Variants in MTMR3 observed in about 807,000 individuals in gnomAD.
MTMR3 encodes the protein phosphatidylinositol-3,5-bisphosphate 3-phosphatase MTMR3.
Under a neutral mutation model 132.4 loss-of-function variants are expected in MTMR3, and 32 were observed. The ratio of observed to expected loss-of-function variants is 0.24; its 90% CI spans 0.18 to 0.32. MTMR3 has a LOEUF of 0.32. MTMR3 is among the 10% of genes least tolerant of loss of function. MTMR3 has a pLI of 1.00. For synonymous variants in MTMR3, 556 were observed against 550.3 expected (o/e 1.01, Z -0.14); for missense variants, 1,216 against 1,489.6 (o/e 0.82, Z 3.02).
chr22:30,022,210 C>T, intron 18 of MTMR3, 71 bp downstream of exon 18: 3 of 1,239,872 alleles, frequency 2.4e-6, no homozygotes, highest in South Asian at 1.3e-5. Context: ...CCCCCATTCC[C>T]ACCCCATACC....
chr22:29,933,607 A>G (rs919233177), intron 1 of MTMR3, among the ~76,000 whole-genome samples: 1 of 152,128 alleles, frequency 6.6e-6, no homozygotes, highest in Non-Finnish European at 1.5e-5. Context: ...GTCACCAGGT[A>G]TGCTCTCTTC....
chr22:29,996,501 T>C (rs1250224633), intron 7 of MTMR3: 1 of 152,144 alleles, frequency 6.6e-6, no homozygotes, highest in Admixed American at 6.5e-5. Flanking sequence ...TATCCTGAGA[T>C]AGAGGTGTTA....
At chr22:29,985,290 A>G (rs2066834386) in intron 5 of MTMR3, 1 of 152,216 alleles carries the variant, frequency 6.6e-6, no homozygotes, top group African/African-American at 2.4e-5. Flanking sequence ...ACCTGAGGTC[A>G]GGGGTTCGAT....
intron 1 of MTMR3, among the ~76,000 whole-genome samples, chr22:29,939,073 C>T (rs997076467): frequency 2.0e-5 from 3 of 152,130 alleles, no homozygotes; most frequent in Admixed American, 6.5e-5. Flanking sequence ...ATACCCGCCT[C>T]GGCCTCCCAA....
chr22:30,003,112 C>T (rs538928035), intron 9 of MTMR3, 119 bp downstream of exon 9: 87 of 695,688 alleles, frequency 1.3e-4, no homozygotes, highest in Non-Finnish European at 1.9e-4. Flanking sequence ...ACTTTCTAGG[C>T]AAGGCTGTAC....
intron 1 of MTMR3, among the ~76,000 whole-genome samples, chr22:29,928,532 G>A (rs2065572535): frequency 6.6e-6 from 1 of 152,082 alleles, no homozygotes; most frequent in African/African-American, 2.4e-5. Flanking sequence ...ACCACCAAAT[G>A]ATATGTAGCT....
At chr22:29,967,232 T>TGC (rs2066442973) in intron 2 of MTMR3, among the ~76,000 whole-genome samples, 1 of 99,802 alleles carries the variant, frequency 1.0e-5, no homozygotes, top group Admixed American at 9.8e-5. Flanking sequence ...TGTGTGTGTG[T>TGC]GCATGCGCGC....
rs2067693319 is a variant in MTMR3, at chr22:30,019,527, A to G, written c.1868A>G (p.Asn623Ser). ...SYDNLTTACD[N>S]TVPLASRRCS... ...GACAATCTGACCACAGCCTGTGACA[A>G]CACAGTGCCTCTGGCCAGCCGGCGC... Residue 623 changes from asparagine to serine, a missense_variant, in exon 17 of 20, where the codon AAC becomes AGC. By Grantham distance (46) the Asn-to-Ser change is conservative (BLOSUM62 1). Around this residue, in one of 7 missense-constraint regions of MTMR3, gnomAD observed 852 missense variants for 852.0 expected, o/e 1.00. Transcript: ENST00000401950. 6.2e-7 allele frequency: 1 copy of G among 1,611,302 alleles called. No homozygotes were observed. Among genetic ancestry groups the G allele is most frequent in the Non-Finnish European group, 8.5e-7 (1 of 1,179,992 alleles).
intron 1 of MTMR3, among the ~76,000 whole-genome samples, chr22:29,925,429 T>A (rs1024320524): frequency 1.3e-5 from 2 of 152,144 alleles, no homozygotes; most frequent in African/African-American, 4.8e-5. Flanking sequence ...TGGAGATAAG[T>A]TGATTTTAAA....
At chr22:29,962,808 A>G (rs926158721) in intron 2 of MTMR3, among the ~76,000 whole-genome samples, 2 of 152,098 alleles carry the variant, frequency 1.3e-5, no homozygotes, top group African/African-American at 4.8e-5. Flanking sequence ...TATCATAACA[A>G]TATGTGGTCT....
intron 8 of MTMR3, chr22:30,002,566 C>CT (rs1569044324): frequency 4.7e-6 from 1 of 212,770 alleles, no homozygotes; most frequent in Non-Finnish European, 9.5e-6. Context: ...CTCGACTCCC[C>CT]TTTTTTTCAT....
intron 16 of MTMR3, chr22:30,018,348 A>C: frequency 2.7e-6 from 1 of 368,080 alleles, no homozygotes; most frequent in Non-Finnish European, 4.8e-6. Flanking sequence ...TTTTTCTGTG[A>C]CCCCCTGGTT....
chr22:29,930,262 C>G (rs1377701414), intron 1 of MTMR3, among the ~76,000 whole-genome samples: 1 of 152,100 alleles, frequency 6.6e-6, no homozygotes. Flanking sequence ...TCCAGGTACC[C>G]TTTGGCCATT....
intron 3 of MTMR3, 124 bp downstream of exon 3, chr22:29,971,186 T>C: frequency 1.0e-6 from 1 of 959,524 alleles, no homozygotes; most frequent in Non-Finnish European, 1.5e-6. Flanking sequence ...TCTTTTTCTT[T>C]CCCAGATCTC....
At chr22:29,888,276 C>G (rs1351299222) in intron 1 of MTMR3, among the ~76,000 whole-genome samples, 1 of 151,992 alleles carries the variant, frequency 6.6e-6, no homozygotes, top group Non-Finnish European at 1.5e-5. Context: ...AACTCCTGGG[C>G]TCAAAGGTAG....
At chr22:30,003,310 TAGC>T (rs994839423) in intron 9 of MTMR3, 1 of 193,676 alleles carries the variant, frequency 5.2e-6, no homozygotes. Context: ...CTTCAGCTGT[TAGC>T]AGGGCTTTTG....
Position 30,012,580 on chromosome 22 carries a change from G to A in MTMR3, c.1317+17G>A. The A allele has an allele frequency of 6.3e-7, 1 of 1,582,488 alleles. No homozygotes were observed. Among genetic ancestry groups the A allele is most frequent in the Non-Finnish European group, 8.6e-7 (1 of 1,163,724 alleles). On this transcript the variant is annotated intron_variant, in intron 13 of 19. Coordinates refer to ENST00000401950, the MANE Select transcript of MTMR3 (RefSeq NM_021090.4). ...ACCATAGAGGTGAGCCCATCCAAAT[G>A]GGAGGGGTTGGTACTTCAGGATGAG...
At chr22:29,893,443 G>T (rs527616001) in intron 1 of MTMR3, among the ~76,000 whole-genome samples, 1 of 152,092 alleles carries the variant, frequency 6.6e-6, no homozygotes, top group Non-Finnish European at 1.5e-5. Context: ...TGGTCTTTGC[G>T]TACATAATGG....
chr22:29,960,069 G>A (rs886267433), intron 2 of MTMR3, among the ~76,000 whole-genome samples: 3 of 151,998 alleles, frequency 2.0e-5, no homozygotes, highest in African/African-American at 4.8e-5. Context: ...CCCTGGCCAC[G>A]TTCTTATCTG....
Sources: allele counts gnomAD v4.1 joint callset (sites outside exome capture counted in the v4.1 genomes callset), GRCh38; gene constraint gnomAD v4.1.1; regional missense constraint gnomAD v4.1.1; transcripts MANE v1.5; gene names NCBI Gene and HGNC (gene_info 2026-07-23, HGNC 2026-07-21).